ABCC3: variants seen among roughly 807,000 people sequenced by gnomAD.
The protein encoded by ABCC3 is ATP-binding cassette sub-family C member 3.
A neutral mutation model predicts 165.3 loss-of-function variants in ABCC3; 121 were observed. The observed-to-expected ratio is 0.73, with a 90% CI of 0.63 to 0.85. The LOEUF is 0.85. Among genes scored for constraint, ABCC3 ranks in the 40% least tolerant of loss-of-function variants. ABCC3 has a pLI of 0.00. For missense variants in ABCC3, 1,869 were observed against 1,964.1 expected (o/e 0.95, Z 0.92); for synonymous variants, 733 against 810.1 (o/e 0.90, Z 1.62).
intron 1 of ABCC3, 130 bp from the exon 2 acceptor site, chr17:50,655,702 C>T: frequency 2.6e-6 from 2 of 782,346 alleles, no homozygotes; most frequent in Non-Finnish European, 4.1e-6. Flanking sequence ...TGTGTACTCT[C>T]TCCTCCTCAC....
chr17:50,657,282 G>A (rs1967273561), intron 4 of ABCC3, 99 bp downstream of exon 4: 3 of 1,457,114 alleles, frequency 2.1e-6, no homozygotes, highest in East Asian at 4.6e-5. Flanking sequence ...CCTCCCTCGA[G>A]GCTTCAAGTA....
chr17:50,689,694 G>C (rs1968084885), intron 30 of ABCC3, among the ~76,000 whole-genome samples: 1 of 152,120 alleles, frequency 6.6e-6, no homozygotes, highest in Admixed American at 6.5e-5. Flanking sequence ...GCTACCCTCT[G>C]TCTGTTCCAT....
chr17:50,658,311 G>T, intron 5 of ABCC3, 104 bp downstream of exon 5: 1 of 1,589,232 alleles, frequency 6.3e-7, no homozygotes, highest in Non-Finnish European at 8.6e-7. Context: ...TGGGAGAGAG[G>T]TCATCCCCAC....
chr17:50,655,807 A>G (rs1343847880), intron 1 of ABCC3, 25 bp from the exon 2 acceptor site: 1 of 1,611,556 alleles, frequency 6.2e-7, no homozygotes, highest in South Asian at 1.1e-5. Flanking sequence ...CTGCCACAGC[A>G]CTAAACTGTT....
chr17:50,668,791 C>T, intron 14 of ABCC3, 62 bp from the exon 15 acceptor site: 1 of 1,418,782 alleles, frequency 7.0e-7, no homozygotes, highest in South Asian at 1.2e-5. Context: ...CCCCCAGCCT[C>T]CCTGCAGGCT....
chr17:50,655,272 G>C (rs1053475610), intron 1 of ABCC3, among the ~76,000 whole-genome samples: 1 of 151,382 alleles, frequency 6.6e-6, no homozygotes, highest in Non-Finnish European at 1.5e-5. Flanking sequence ...CAGGCGTGGT[G>C]GTGGGCGCCT....
chr17:50,654,783 T>C (rs988238670), intron 1 of ABCC3, among the ~76,000 whole-genome samples: 2 of 152,096 alleles, frequency 1.3e-5, no homozygotes, highest in Admixed American at 1.3e-4. Context: ...TTTGATAAAA[T>C]TAAAAATTAG....
intron 1 of ABCC3, among the ~76,000 whole-genome samples, chr17:50,647,548 A>G (rs1474719030): frequency 6.6e-6 from 1 of 152,198 alleles, no homozygotes; most frequent in Non-Finnish European, 1.5e-5. Flanking sequence ...ATGATGAGAG[A>G]GAGCACCAAG....
chr17:50,678,046 C>T (rs1265502759), intron 24 of ABCC3, 47 bp from the exon 25 acceptor site: 2 of 1,613,552 alleles, frequency 1.2e-6, no homozygotes, highest in Non-Finnish European at 1.7e-6. Context: ...AGAAAACTGG[C>T]CCTGCCCTGC....
chr17:50,671,746 A>G (rs1410733220), intron 17 of ABCC3, among the ~76,000 whole-genome samples: 1 of 108,838 alleles, frequency 9.2e-6, no homozygotes, highest in Middle Eastern at 0.01. Context: ...ACAAGGCTTC[A>G]CTCTGTTGCC....
chr17:50,668,499 A>C lies in ABCC3; in HGVS notation c.1852A>C (p.Arg618=). ...QEELDPQSVE[R]KTISPGYAIT... ...GGAACTTGACCCCCAGAGTGTGGAAAGAAAGACCATCTCCCCAGGTCTAGA... is the reference window on the plus strand; with the variant it reads ...GGAACTTGACCCCCAGAGTGTGGAACGAAAGACCATCTCCCCAGGTCTAGA... Residue 618 remains arginine, a synonymous_variant, in exon 14 of 31, where the codon AGA becomes CGA. Coordinates refer to ENST00000285238, the MANE Select transcript of ABCC3 (RefSeq NM_003786.4). 2.5e-6 allele frequency: 4 copies of C among 1,613,968 alleles called. No individual in the cohort carries two copies. The highest frequency in any genetic ancestry group is 2.2e-5 in the East Asian group (1 of 44,876).
At chr17:50,686,393 C>G (rs908934038) in intron 29 of ABCC3, among the ~76,000 whole-genome samples, 4 of 152,152 alleles carry the variant, frequency 2.6e-5, no homozygotes, top group Non-Finnish European at 2.9e-5. Flanking sequence ...CTTGCTGTAT[C>G]ACAGCCACCT....
At chr17:50,669,054 G>A (rs1404357556) in intron 15 of ABCC3, 86 bp from the exon 16 acceptor site, 21 of 1,595,502 alleles carry the variant, frequency 1.3e-5, no homozygotes, top group Admixed American at 8.4e-5. Context: ...CTGGAAGGGC[G>A]GAGGGCTTGG....
intron 18 of ABCC3, 125 bp from the exon 19 acceptor site, chr17:50,673,344 C>T: frequency 7.6e-7 from 1 of 1,312,346 alleles, no homozygotes; most frequent in South Asian, 1.4e-5. Flanking sequence ...CAGGGTGAGT[C>T]ACCCATGTGC....
intron 1 of ABCC3, among the ~76,000 whole-genome samples, chr17:50,649,948 A>G (rs1356572256): frequency 6.6e-6 from 1 of 152,230 alleles, no homozygotes; most frequent in African/African-American, 2.4e-5. Flanking sequence ...CAAAGACAGC[A>G]TGAAGCACAG....
Position 50,643,689 on chromosome 17 carries a change from C to G in ABCC3, c.45+8708C>G, listed in dbSNP as rs140114996. On this transcript the variant is annotated intron_variant, in intron 1 of 30. Transcript: ENST00000285238. The stretch of plus-strand genomic sequence containing the variant: ...GGGTTTTCAGCCAGGCCTGTCACCC[C>G]TCCCTGGAGTGGTTAGGTTAGGATT... The G allele has an allele frequency of 9.9e-4, 451 of 454,150 alleles. 2 individuals carry two copies. The highest frequency in any genetic ancestry group is 7.4e-3 in the African/African-American group (369 of 50,156). 28.1% of individuals were successfully genotyped at this position (454,150 alleles called of 1,614,324 possible).
intron 17 of ABCC3, among the ~76,000 whole-genome samples, chr17:50,671,603 C>G (rs115542460): frequency 0.018 from 2,795 of 151,972 alleles, 88 homozygotes; most frequent in African/African-American, 0.064. Flanking sequence ...TGGAGAGGGC[C>G]TCCTTGTTGG....
chr17:50,671,702 C>CTTTTTTTTTTTT (rs386386244), intron 17 of ABCC3, among the ~76,000 whole-genome samples: 3 of 56,372 alleles, frequency 5.3e-5, no homozygotes, highest in Non-Finnish European at 1.1e-4. Flanking sequence ...TCCTTCCTTC[C>CTTTTTTTTTTTT]TTTTTTTTTT....
At position 50,667,634 on chromosome 17, in the gene ABCC3, C is replaced by T. The variant is rs139425802; in HGVS notation, c.1512C>T (p.Tyr504=). The T allele has an allele frequency of 1.9e-4, 305 of 1,614,108 alleles. 7 individuals are homozygous for T. In the Middle Eastern group the frequency reaches 6.9e-3, roughly 37 times the overall value. ...ACGGCATCAAGGTGCTGAAGCTGTA[C>T]GCCTGGGAGCCCAGCTTCCTGAAGC... is the stretch of plus-strand genomic sequence containing the variant. ...ILNGIKVLKL[Y]AWEPSFLKQV... Residue 504 remains tyrosine, a synonymous_variant, in exon 12 of 31, where the codon TAC becomes TAT. Coordinates refer to ENST00000285238, the MANE Select transcript of ABCC3 (RefSeq NM_003786.4).
Sources: allele counts gnomAD v4.1 joint callset (sites outside exome capture counted in the v4.1 genomes callset), GRCh38; gene constraint gnomAD v4.1.1; transcripts MANE v1.5; gene names NCBI Gene and HGNC (gene_info 2026-07-23, HGNC 2026-07-21).